NUP153: variants seen among roughly 807,000 people sequenced by gnomAD.
The protein encoded by NUP153 is nuclear pore complex protein Nup153.
In NUP153, 27 loss-of-function variants were observed where a neutral mutation model predicts 134.6. The ratio of observed to expected loss-of-function variants is 0.20; its 90% CI spans 0.15 to 0.28. The LOEUF is 0.28. NUP153 is among the 10% of genes least tolerant of loss of function. The probability of loss-of-function intolerance (pLI) is 1.00; values close to 1 mark genes in which losing one functional copy is unlikely to be tolerated. For missense variants in NUP153, 1,821 were observed against 1,731.3 expected, an observed-to-expected ratio of 1.05 and a Z score of -0.92; for synonymous variants, 640 against 623.5, an observed-to-expected ratio of 1.03 and a Z score of -0.40.
At chr6:17,655,754 C>T (rs1339224982) in intron 11 of NUP153, among the ~76,000 whole-genome samples, 1 of 152,080 alleles carries the variant, frequency 6.6e-6, no homozygotes, top group East Asian at 1.9e-4. Context: ...CGTGACCAGC[C>T]AATCTTTTAA....
At position 17,669,495 on chromosome 6, in the gene NUP153, C is replaced by T. The variant is rs199769517; in HGVS notation, c.904G>A (p.Gly302Ser). ...KAKQLSAQSY[G>S]VTSSTARRIL... ...CGCCGAGCTGTTGAACTGGTCACACCGTAAGATTGTGCACTGAGTTGCTTA... is the reference window on the plus strand; with the variant it reads ...CGCCGAGCTGTTGAACTGGTCACACTGTAAGATTGTGCACTGAGTTGCTTA... Residue 302 changes from glycine to serine, a missense_variant, in exon 6 of 22, where the codon GGT becomes AGT. Transcript: ENST00000262077. 1.9e-5 allele frequency: 31 copies of T among 1,614,040 alleles called. No individual in the cohort carries two copies. Among genetic ancestry groups the T allele is most frequent in the African/African-American group, 4.0e-5 (3 of 75,028 alleles).
rs1764933918 is a variant in NUP153, at chr6:17,626,087, CAGCAGA to C, written c.3616_3621del (p.Ser1206_Ala1207del). On this transcript the variant is annotated inframe_deletion, in exon 19 of 22. Coordinates refer to ENST00000262077, the MANE Select transcript of NUP153 (RefSeq NM_005124.4). ...GTGGAACTACCAAATATGCCACCAC[CAGCAGA>C]AGTGGCTGGTGTACTTGAACTAGAG... 1.2e-6 allele frequency: 2 copies of C among 1,613,822 alleles called. No individual in the cohort carries two copies. Among genetic ancestry groups the C allele is most frequent in the Non-Finnish European group, 1.7e-6 (2 of 1,180,038 alleles).
At chr6:17,632,581 C>T in intron 17 of NUP153, 69 bp downstream of exon 17, 2 of 1,201,200 alleles carry the variant, frequency 1.7e-6, no homozygotes, top group Non-Finnish European at 2.3e-6. Context: ...TTCTCAAATA[C>T]TTCATTTTTA....
In NUP153 at chr6:17,616,153, A is replaced by G; in HGVS notation, c.4372T>C (p.Ser1458Pro). 6.2e-7 allele frequency: 1 copy of G among 1,613,880 alleles called. No homozygotes were observed. The highest frequency in any genetic ancestry group is 8.5e-7 in the Non-Finnish European group (1 of 1,179,846). ...TTGCGACCAGAGAATGAAGTTCCAGAAGAAGAGAACACATTTTTCCCATTT... is the reference window on the plus strand; with the variant it reads ...TTGCGACCAGAGAATGAAGTTCCAGGAGAAGAGAACACATTTTTCCCATTT... ...GSNGKNVFSS[S>P]GTSFSGRKIK... Residue 1458 changes from serine to proline, a missense_variant, in exon 22 of 22, where the codon TCT (serine) becomes CCT (proline). Ser to Pro is a moderately conservative substitution (Grantham distance 74). Coordinates refer to ENST00000262077, the MANE Select transcript of NUP153 (RefSeq NM_005124.4).
At chr6:17,633,691 G>C (rs950751830) in intron 16 of NUP153, among the ~76,000 whole-genome samples, 8 of 152,178 alleles carry the variant, frequency 5.3e-5, no homozygotes, top group African/African-American at 1.9e-4. Flanking sequence ...GGCACAGGAA[G>C]AACGGCTTGG....
At chr6:17,678,208 T>C (rs1036598229) in intron 2 of NUP153, among the ~76,000 whole-genome samples, 4 of 151,718 alleles carry the variant, frequency 2.6e-5, no homozygotes, top group Admixed American at 2.0e-4. Flanking sequence ...ACACAAAAAT[T>C]ACCCGGGCAT....
chr6:17,631,693 G>A (rs564996525), intron 17 of NUP153, among the ~76,000 whole-genome samples: 31 of 151,988 alleles, frequency 2.0e-4, no homozygotes, highest in South Asian at 6.2e-4. Flanking sequence ...CAGACCAGGC[G>A]TGTTGGCTCA....
rs1767726996 is a variant in NUP153, at chr6:17,669,027, G to A, written c.1016C>T (p.Pro339Leu). Residue 339 changes from proline to leucine, a missense_variant and splice_region_variant, in exon 8 of 22, where the codon CCT becomes CTT. Pro to Leu is a moderately conservative substitution (Grantham distance 98). Coordinates refer to ENST00000262077, the MANE Select transcript of NUP153 (RefSeq NM_005124.4). ...PSIVSSPLNS[P>L]LDRSGIDITD... Reference sequence around the variant, plus strand: ...GATATCTATCCCACTCCTATCAAGAGGCTGAAAAAAAAAAAAAACACTATT... The same window carrying A: ...GATATCTATCCCACTCCTATCAAGAAGCTGAAAAAAAAAAAAAACACTATT... 1 of 1,475,012 alleles carries A rather than the reference G, an allele frequency of 6.8e-7. No individual in the cohort carries two copies. Among genetic ancestry groups the A allele is most frequent in the Non-Finnish European group, 9.0e-7 (1 of 1,110,716 alleles). 91.4% of individuals were successfully genotyped at this position (1,475,012 alleles called of 1,614,324 possible). A position where few individuals can be genotyped will look rare whatever the true frequency, so the allele number is the denominator to read the frequency against.
chr6:17,693,105 A>G (rs7754076), intron 1 of NUP153, among the ~76,000 whole-genome samples: 149,332 of 151,970 alleles, frequency 0.98, 73,409 homozygotes, highest in Middle Eastern at 1. Flanking sequence ...ATTTTCACCT[A>G]TACTGTTTTT....
At chr6:17,630,678 GAA>G (rs1300414268) in intron 17 of NUP153, among the ~76,000 whole-genome samples, 3 of 135,132 alleles carry the variant, frequency 2.2e-5, no homozygotes, top group Non-Finnish European at 3.1e-5. Context: ...ATAAAGAAAA[GAA>G]AACAGAGGAG....
rs371263282 is a variant in NUP153, at chr6:17,688,454, C to G, written c.276G>C (p.Glu92Asp). 2.1e-5 allele frequency: 34 copies of G among 1,614,014 alleles called. No individual in the cohort carries two copies. The highest frequency in any genetic ancestry group is 3.3e-5 in the Admixed American group (2 of 60,002). The change falls in exon 2 of 22, where the codon GAG (glutamate) becomes GAC (aspartate). Residue 92 changes from glutamate to aspartate, a missense_variant. By Grantham distance (45) the Glu-to-Asp change is conservative. Transcript: ENST00000262077. Reference sequence around the variant, plus strand: ...TTCTCCCATCAGTAATATTAGAGCTCTCCTCATCGGCATATACCAGATGGT... The same window carrying G: ...TTCTCCCATCAGTAATATTAGAGCTGTCCTCATCGGCATATACCAGATGGT... ...KEDHLVYADEESSNITDGRIT... is the reference protein window; with the variant it reads ...KEDHLVYADEDSSNITDGRIT...
At chr6:17,673,775 C>A (rs1167524498) in intron 5 of NUP153, among the ~76,000 whole-genome samples, 1 of 152,152 alleles carries the variant, frequency 6.6e-6, no homozygotes, top group Non-Finnish European at 1.5e-5. Context: ...CTGGTACCAG[C>A]CACTCTGGAA....
intron 11 of NUP153, chr6:17,651,881 C>T (rs1300715264): frequency 1.8e-5 from 12 of 677,172 alleles, no homozygotes; most frequent in East Asian, 5.4e-5. Context: ...ATCGCTTGAG[C>T]GCAGGAGCTC....
intron 8 of NUP153, among the ~76,000 whole-genome samples, chr6:17,666,945 TA>T (rs1225805630): frequency 6.6e-6 from 1 of 152,186 alleles, no homozygotes; most frequent in Non-Finnish European, 1.5e-5. Context: ...TACAACTCAA[TA>T]AGAGAGTCTA....
At chr6:17,682,163 C>T (rs1008212286) in intron 2 of NUP153, among the ~76,000 whole-genome samples, 3 of 151,996 alleles carry the variant, frequency 2.0e-5, no homozygotes, top group African/African-American at 7.2e-5. Context: ...CCAGTGCATA[C>T]AAAAGTTATG....
intron 2 of NUP153, among the ~76,000 whole-genome samples, chr6:17,682,928 A>AG (rs1420594194): frequency 1.3e-5 from 2 of 149,690 alleles, no homozygotes; most frequent in Non-Finnish European, 2.9e-5. Context: ...AAAAGAAGAA[A>AG]AAAAAAAAAA....
chr6:17,665,537 A>G, intron 8 of NUP153, 152 bp from the exon 9 acceptor site: 1 of 612,662 alleles, frequency 1.6e-6, no homozygotes. Context: ...AAAAACTGAT[A>G]ATAATGGAAC....
At chr6:17,698,212 T>C (rs1255755795) in intron 1 of NUP153, among the ~76,000 whole-genome samples, 1 of 152,186 alleles carries the variant, frequency 6.6e-6, no homozygotes, top group Non-Finnish European at 1.5e-5. Flanking sequence ...ACTGATTGGA[T>C]AGGGTAAACT....
intron 20 of NUP153, 45 bp from the exon 21 acceptor site, chr6:17,616,740 GGTT>G (rs1051893701): frequency 5.8e-6 from 9 of 1,561,244 alleles, no homozygotes; most frequent in Non-Finnish European, 7.0e-6. Context: ...CAAAATGATA[GGTT>G]TTTTTGTTTG....
Sources: gnomAD v4.1 joint callset for allele counts (sites outside exome capture counted in the v4.1 genomes callset) on GRCh38, gnomAD v4.1.1 for gene constraint, MANE v1.5 for transcripts, NCBI Gene and HGNC (gene_info 2026-07-23, HGNC 2026-07-21) for gene names.